The following INPP5A variants were observed in gnomAD, a reference collection of about 807,000 sequenced individuals.
The protein encoded by INPP5A is 43 kDa inositol polyphosphate 5-phophatase.
In INPP5A, 14 loss-of-function variants were observed where a neutral mutation model predicts 65.2. The observed-to-expected ratio is 0.21, with a 90% CI of 0.14 to 0.34. INPP5A has a LOEUF of 0.34. Among genes scored for constraint, INPP5A ranks in the 10% least tolerant of loss-of-function variants. The pLI is 1.00. For missense variants in INPP5A, 431 were observed against 545.6 expected, an observed-to-expected ratio of 0.79 and a Z score of 2.09; for synonymous variants, 207 against 208.3, an observed-to-expected ratio of 0.99 and a Z score of 0.05.
At position 132,741,861 on chromosome 10, in the gene INPP5A, A is replaced by G. The variant is rs1011727462; in HGVS notation, c.733-7656A>G. ...CTGCTTGCTTTACTCCATAGCTGAT[A>G]TAAACTGCAGCTGGCTGCAGCACCC... On this transcript the variant is annotated intron_variant, in intron 9 of 15. Coordinates refer to ENST00000368594, the MANE Select transcript of INPP5A (RefSeq NM_005539.5). The surrounding 1 kb of genome is among the most constrained non-coding windows in gnomAD (Gnocchi z 4.4). Among the ~76,000 whole-genome samples the G allele has an allele frequency of 5.3e-5, 8 of 152,194 alleles. No homozygotes were observed. The highest frequency in any genetic ancestry group is 1.4e-4 in the African/African-American group (6 of 41,442).
rs139061987 is a variant in INPP5A, at chr10:132,590,067, A to G, written c.76-17848A>G. ...ACACGGCTGGAAAAGGACACGGTCT[A>G]CAAGTGGAGGCTCGAAGGTGGCTGA... On this transcript the variant is annotated intron_variant, in intron 1 of 15. Transcript: ENST00000368594. Among the ~76,000 whole-genome samples, 20 of 152,362 alleles carry G rather than the reference A, an allele frequency of 1.3e-4. No homozygotes were observed. In the East Asian group the frequency reaches 3.5e-3, roughly 26 times the overall value.
chr10:132,659,980 C>T lies in INPP5A; in HGVS notation c.306+9475C>T, dbSNP rs922846368. 2.0e-5 allele frequency among the ~76,000 whole-genome samples: 3 copies of T among 152,266 alleles called. No homozygotes were observed. The highest frequency in any genetic ancestry group is 4.4e-5 in the Non-Finnish European group (3 of 68,042). ...ACTCCCTGTGACATGGCACATGACACGTGACACAACACATTCTCATGCTCC... is the reference window on the plus strand; with the variant it reads ...ACTCCCTGTGACATGGCACATGACATGTGACACAACACATTCTCATGCTCC... On this transcript the variant is annotated intron_variant, in intron 4 of 15. Coordinates refer to ENST00000368594, the MANE Select transcript of INPP5A (RefSeq NM_005539.5). The surrounding 1 kb of genome is among the most constrained non-coding windows in gnomAD (Gnocchi z 5.5).
In INPP5A at chr10:132,782,062, G is replaced by A. The variant is rs1257746054; in HGVS notation, c.*33G>A. 2.6e-6 allele frequency: 4 copies of A among 1,559,804 alleles called. No individual in the cohort carries two copies. The highest frequency in any genetic ancestry group is 1.4e-5 in the African/African-American group (1 of 73,904). On this transcript the variant is annotated 3_prime_UTR_variant, in exon 16 of 16. Coordinates refer to ENST00000368594, the MANE Select transcript of INPP5A (RefSeq NM_005539.5). The surrounding 1 kb of genome is among the most constrained non-coding windows in gnomAD (Gnocchi z 4.4). ...GGAAGAGATGCCAGCGCCACGAGAG[G>A]ACACTTCGTGAGCCTCCCTGTAGCC...
At chr10:132,672,869 C>T (rs996577654) in intron 4 of INPP5A, among the ~76,000 whole-genome samples, 1 of 152,188 alleles carries the variant, frequency 6.6e-6, no homozygotes, top group Admixed American at 6.5e-5. Flanking sequence ...ATTCTGTATT[C>T]CCTTTGCCTT....
At chr10:132,682,677 A>G (rs2073062411) in intron 4 of INPP5A, among the ~76,000 whole-genome samples, 1 of 152,242 alleles carries the variant, frequency 6.6e-6, no homozygotes, top group African/African-American at 2.4e-5. Flanking sequence ...TATTATATAC[A>G]TATGCACGCA....
intron 8 of INPP5A, among the ~76,000 whole-genome samples, chr10:132,718,533 T>A (rs1845790082): frequency 6.7e-6 from 1 of 149,022 alleles, no homozygotes; most frequent in Admixed American, 6.7e-5. Context: ...GGTACCTGGG[T>A]TCTGTCTGGG....
intron 13 of INPP5A, among the ~76,000 whole-genome samples, chr10:132,778,449 A>AC (rs1386213743): frequency 6.6e-6 from 1 of 151,690 alleles, no homozygotes; most frequent in Non-Finnish European, 1.5e-5. Flanking sequence ...GGCAGGAGCC[A>AC]CTGCACCCGG....
At chr10:132,582,672 C>G (rs925661350) in intron 1 of INPP5A, among the ~76,000 whole-genome samples, 1 of 152,182 alleles carries the variant, frequency 6.6e-6, no homozygotes, top group African/African-American at 2.4e-5. Flanking sequence ...CCTCCTGCAT[C>G]GAACTCCCAA....
At chr10:132,726,989 G>A in intron 9 of INPP5A, 84 bp downstream of exon 9, 2 of 904,594 alleles carry the variant, frequency 2.2e-6, no homozygotes, top group South Asian at 3.9e-5. Flanking sequence ...GCCCCTTACT[G>A]GCACTTTCAA....
chr10:132,552,232 ATTGGTGAATG>A (rs2071062429), intron 1 of INPP5A, among the ~76,000 whole-genome samples: 1 of 126,854 alleles, frequency 7.9e-6, no homozygotes, highest in African/African-American at 3.1e-5. Context: ...GGGAGGGAGG[ATTGGTGAATG>A]CCTTCTCAGA....
intron 1 of INPP5A, among the ~76,000 whole-genome samples, chr10:132,573,446 C>T (rs536090852): frequency 9.3e-5 from 7 of 75,288 alleles, no homozygotes; most frequent in African/African-American, 1.3e-4. Flanking sequence ...GTGTACGTGC[C>T]GTGTGAGGTT....
At chr10:132,609,633 T>TTTGTTG (rs371644456) in intron 2 of INPP5A, among the ~76,000 whole-genome samples, 6 of 152,190 alleles carry the variant, frequency 3.9e-5, no homozygotes, top group Middle Eastern at 3.4e-3. Flanking sequence ...GTCTGCTGCT[T>TTTGTTG]TTGTTGTTGT....
chr10:132,696,580 A>G (rs1310951163), intron 5 of INPP5A, among the ~76,000 whole-genome samples: 1 of 152,224 alleles, frequency 6.6e-6, no homozygotes, highest in Non-Finnish European at 1.5e-5. Context: ...AAAAGGCTAC[A>G]CACTGTGATT....
In INPP5A at chr10:132,704,654, C is replaced by G. The variant is rs560063115; in HGVS notation, c.475-3659C>G. Among the ~76,000 whole-genome samples, 1 of 151,998 alleles carries G rather than the reference C, an allele frequency of 6.6e-6. No homozygotes were observed. The highest frequency in any genetic ancestry group is 1.5e-5 in the Non-Finnish European group (1 of 68,002). On this transcript the variant is annotated intron_variant, in intron 6 of 15. Transcript: ENST00000368594. This position sits in a 1 kb window ranked among gnomAD's most constrained non-coding sequence, Gnocchi z 4.5. ...GGGTGCTGCTGGTGTGGATCCTGTG[C>G]GTGGCTGGGCCGTGGGGGGGCAGTG...
At chr10:132,582,999 G>A (rs191162442) in intron 1 of INPP5A, among the ~76,000 whole-genome samples, 5 of 152,280 alleles carry the variant, frequency 3.3e-5, no homozygotes, top group Admixed American at 3.3e-4. Context: ...GGTATTGCTT[G>A]GAATCGTAGA....
chr10:132,698,502 A>G lies in INPP5A; in HGVS notation c.474+583A>G, dbSNP rs1845382007. Among the ~76,000 whole-genome samples, 1 of 152,254 alleles carries G rather than the reference A, an allele frequency of 6.6e-6. No individual in the cohort carries two copies. The highest frequency in any genetic ancestry group is 2.4e-5 in the African/African-American group (1 of 41,466). ...AAATTGGTGTTTCCTTCTGGCGGCC[A>G]TGCACTTTGCTGAGCTGTGTGCGCG... On this transcript the variant is annotated intron_variant, in intron 6 of 15. Transcript: ENST00000368594. The surrounding 1 kb of genome is among the most constrained non-coding windows in gnomAD (Gnocchi z 5.5).
chr10:132,635,294 C>T (rs1432552177), intron 2 of INPP5A, among the ~76,000 whole-genome samples: 2 of 151,276 alleles, frequency 1.3e-5, no homozygotes, highest in East Asian at 3.9e-4. Context: ...GTTTTTGTAC[C>T]CTTTTCCCCT....
At position 132,627,340 on chromosome 10, in the gene INPP5A, ACCGGGG is replaced by A. The variant is rs2072198639; in HGVS notation, c.118-18522_118-18517del. Among the ~76,000 whole-genome samples, 1 of 151,816 alleles carries A rather than the reference ACCGGGG, an allele frequency of 6.6e-6. No individual in the cohort carries two copies. ...TGCTCCCAGGAGGCTTCACGGGGAG[ACCGGGG>A]CCGGGAGCTGCTGCTGGCTCCACAC... is the stretch of plus-strand genomic sequence containing the variant. On this transcript the variant is annotated intron_variant, in intron 2 of 15. Coordinates refer to ENST00000368594, the MANE Select transcript of INPP5A (RefSeq NM_005539.5). This position sits in a 1 kb window ranked among gnomAD's most constrained non-coding sequence, Gnocchi z 6.6.
intron 8 of INPP5A, among the ~76,000 whole-genome samples, chr10:132,723,569 G>T (rs1372091374): frequency 1.4e-5 from 2 of 147,204 alleles, no homozygotes; most frequent in East Asian, 2.0e-4. Flanking sequence ...GTGGGGATTG[G>T]CCATGTGGGG....
Sources: allele counts gnomAD v4.1 joint callset (sites outside exome capture counted in the v4.1 genomes callset), GRCh38; gene constraint gnomAD v4.1.1; non-coding constraint Gnocchi (gnomAD v3.1); transcripts MANE v1.5; gene names NCBI Gene and HGNC (gene_info 2026-07-23, HGNC 2026-07-21).